Variants in PALS2 observed in about 807,000 individuals in gnomAD.
PALS2 encodes protein associated with LIN7 2, MAGUK p55 family member.
Under a neutral mutation model 61.6 loss-of-function variants are expected in PALS2, and 27 were observed. That is an observed-to-expected ratio of 0.44 (90% CI 0.32 to 0.60). The LOEUF (loss-of-function observed/expected upper bound fraction) is 0.60. PALS2 is among the 20% of genes least tolerant of loss of function. The pLI is 0.05. For missense variants in PALS2, 554 were observed against 639.4 expected (o/e 0.87, Z 1.44); for synonymous variants, 236 against 218.6 (o/e 1.08, Z -0.70).
Position 24,665,728 on chromosome 7 carries a change from G to C in PALS2, c.883+41G>C, listed in dbSNP as rs113277801. 5.4e-5 allele frequency: 84 copies of C among 1,544,062 alleles called. No homozygotes were observed. The African/African-American group carries it at 1.1e-3, about 19-fold the overall frequency. On this transcript the variant is annotated intron_variant, in intron 7 of 11. Coordinates refer to ENST00000222644, the MANE Select transcript of PALS2 (RefSeq NM_001303037.2). ...CAATAAGTAACAAGCAGTCCTTTGT[G>C]ACCACCTTTCTTTGTCTCTTTTGTC... is the stretch of plus-strand genomic sequence containing the variant.
At chr7:24,607,519 A>G (rs145207968) in intron 1 of PALS2, among the ~76,000 whole-genome samples, 84 of 151,768 alleles carry the variant, frequency 5.5e-4, no homozygotes, top group Middle Eastern at 3.4e-3. Context: ...ATATATGTGT[A>G]TATATGTGTG....
chr7:24,602,821 G>A (rs927439772), intron 1 of PALS2, among the ~76,000 whole-genome samples: 1 of 152,152 alleles, frequency 6.6e-6, no homozygotes, highest in Non-Finnish European at 1.5e-5. Flanking sequence ...GAGGGACCTG[G>A]TGGGAGGTAA....
At position 24,573,662 on chromosome 7, in the gene PALS2, C is replaced by G. The variant is rs1445169633; in HGVS notation, c.-3+69C>G. ...CGCGCGCCGGGCCGGCCGGGGGCGC[C>G]CTGTTGCTCGGCGCGGCGCGCCACG... is the stretch of plus-strand genomic sequence containing the variant. On this transcript the variant is annotated intron_variant, in intron 1 of 11. Transcript: ENST00000222644. This position sits in a 1 kb window ranked among gnomAD's most constrained non-coding sequence, Gnocchi z 5.3. 1 of 240,972 alleles carries G rather than the reference C, an allele frequency of 4.1e-6. No individual in the cohort carries two copies. The highest frequency in any genetic ancestry group is 7.9e-6 in the Non-Finnish European group (1 of 126,308). The allele number at this position is 240,972 out of a possible 1,614,324, so 14.9% of individuals were successfully genotyped here.
rs988516008 is a variant in PALS2 at position 24,596,492 on chromosome 7, T to C, written c.-3+22899T>C. Among the ~76,000 whole-genome samples the C allele has an allele frequency of 9.2e-5, 14 of 152,210 alleles. No individual in the cohort carries two copies. Among genetic ancestry groups the C allele is most frequent in the African/African-American group, 3.4e-4 (14 of 41,462 alleles). ...AACATTTGATAAAATATCTCAGTGA[T>C]TCTATAATATTTCACATTTATGAAT... is the stretch of plus-strand genomic sequence containing the variant. On this transcript the variant is annotated intron_variant, in intron 1 of 11. Transcript: ENST00000222644. The surrounding 1 kb of genome is among the most constrained non-coding windows in gnomAD (Gnocchi z 4.5).
chr7:24,641,372 T>C (rs966354820), intron 2 of PALS2, among the ~76,000 whole-genome samples: 3 of 152,254 alleles, frequency 2.0e-5, no homozygotes, highest in African/African-American at 7.2e-5. Context: ...CATCTAGAGT[T>C]TGAGCCTTGA....
intron 5 of PALS2, among the ~76,000 whole-genome samples, chr7:24,654,217 A>G (rs1192619744): frequency 6.6e-6 from 1 of 151,966 alleles, no homozygotes; most frequent in East Asian, 1.9e-4. Flanking sequence ...AGTTAAAAAA[A>G]AAAAAAGAAA....
chr7:24,600,807 T>C (rs1406323707), intron 1 of PALS2, among the ~76,000 whole-genome samples: 1 of 152,192 alleles, frequency 6.6e-6, no homozygotes, highest in Non-Finnish European at 1.5e-5. Flanking sequence ...TGACTTTGTC[T>C]TCTCCAGGTT....
intron 5 of PALS2, among the ~76,000 whole-genome samples, chr7:24,653,185 A>G (rs1042120662): frequency 1.3e-5 from 2 of 152,206 alleles, no homozygotes; most frequent in Non-Finnish European, 2.9e-5. Flanking sequence ...GATTGTGTAT[A>G]TAACAAAGAT....
Position 24,679,136 on chromosome 7 carries a change from TC to T in PALS2, c.1121del (p.Ser374TyrfsTer68). The T allele has an allele frequency of 6.2e-7, 1 of 1,613,562 alleles. No individual in the cohort carries two copies. The highest frequency in any genetic ancestry group is 8.5e-7 in the Non-Finnish European group (1 of 1,179,508). ...TRFGTTVPFT[S>X]RKPREDEKDG... ...CTCAACACTATTTTATTTAGTTACT[TC>T]ACGGAAACCAAGGGAAGATGAAAAA... On this transcript the variant is annotated frameshift_variant, in exon 10 of 12. Transcript: ENST00000222644. LOFTEE classifies it high-confidence loss of function.
intron 10 of PALS2, 70 bp from the exon 11 acceptor site, chr7:24,680,322 T>A: frequency 2.0e-6 from 3 of 1,482,486 alleles, no homozygotes; most frequent in Non-Finnish European, 2.8e-6. Context: ...GCCTTTGATA[T>A]ATACTAAAGG....
rs1266820384 is a variant in PALS2 at position 24,690,816 on chromosome 7, A to G, written c.*3202A>G. On this transcript the variant is annotated 3_prime_UTR_variant, in exon 12 of 12. Transcript: ENST00000222644. Reference sequence around the variant, plus strand: ...AACATAGCTTTCTGAAATAGAAATTATAAGAGAAACCCAGTATGCCTACAG... The same window carrying G: ...AACATAGCTTTCTGAAATAGAAATTGTAAGAGAAACCCAGTATGCCTACAG... 2 of 152,214 alleles carry G rather than the reference A, an allele frequency of 1.3e-5. No homozygotes were observed. Among genetic ancestry groups the G allele is most frequent in the African/African-American group, 2.4e-5 (1 of 41,454 alleles). The allele number at this position is 152,214 out of a possible 1,614,324, so 9.4% of individuals were successfully genotyped here.
At chr7:24,582,065 T>C (rs1782866689) in intron 1 of PALS2, among the ~76,000 whole-genome samples, 1 of 152,234 alleles carries the variant, frequency 6.6e-6, no homozygotes, top group Non-Finnish European at 1.5e-5. Flanking sequence ...TAAAAGTTTG[T>C]GAAGCAGTCT....
intron 1 of PALS2, among the ~76,000 whole-genome samples, chr7:24,577,101 TATG>T (rs986844266): frequency 1.3e-5 from 2 of 152,160 alleles, no homozygotes; most frequent in Non-Finnish European, 2.9e-5. Context: ...CTTCCTTAAT[TATG>T]ATAGACTAAT....
At chr7:24,682,806 TAA>T (rs1788002219) in intron 11 of PALS2, among the ~76,000 whole-genome samples, 2 of 152,122 alleles carry the variant, frequency 1.3e-5, no homozygotes, top group South Asian at 4.1e-4. Flanking sequence ...ATAATAATAA[TAA>T]GTCACTTATC....
rs973592655 is a variant in PALS2, at chr7:24,689,579, C to CTTTTTTTTTT, written c.*1973_*1982dup. 5.4e-5 allele frequency: 7 copies of CTTTTTTTTTT among 129,242 alleles called. No homozygotes were observed. The highest frequency in any genetic ancestry group is 1.2e-4 in the African/African-American group (4 of 34,526). The allele number at this position is 129,242 out of a possible 1,614,324, so 8.0% of individuals were successfully genotyped here. ...TAAAGTTGGAAATCTATAGGTTTTT[C>CTTTTTTTTTT]TTTTTTTTTTTTTTTTTCTTTTTTT... On this transcript the variant is annotated 3_prime_UTR_variant, in exon 12 of 12. Transcript: ENST00000222644.
At chr7:24,662,768 G>GAAAAAAAAAAAAAAAAAAAA (rs59367702) in intron 5 of PALS2, among the ~76,000 whole-genome samples, 1 of 102,614 alleles carries the variant, frequency 9.7e-6, no homozygotes, top group Non-Finnish European at 2.3e-5. Context: ...GACTCCATCT[G>GAAAAAAAAAAAAAAAAAAAA]AAAAAAAAAA....
At chr7:24,676,432 A>C (rs891587615) in intron 9 of PALS2, among the ~76,000 whole-genome samples, 4 of 152,118 alleles carry the variant, frequency 2.6e-5, no homozygotes, top group African/African-American at 4.8e-5. Context: ...TTGGTGTTTT[A>C]GACATGAAGT....
Position 24,573,640 on chromosome 7 carries a change from G to A in PALS2, c.-3+47G>A. On this transcript the variant is annotated intron_variant, in intron 1 of 11. Coordinates refer to ENST00000222644, the MANE Select transcript of PALS2 (RefSeq NM_001303037.2). The surrounding 1 kb of genome is among the most constrained non-coding windows in gnomAD (Gnocchi z 5.3). ...GCCGCTCGGGTAACGGTCGCGCCGC[G>A]CGCCGGGCCGGCCGGGGGCGCCCTG... 6.7e-6 allele frequency: 2 copies of A among 298,174 alleles called. No individual in the cohort carries two copies. The highest frequency in any genetic ancestry group is 1.2e-5 in the Non-Finnish European group (2 of 162,178). 18.5% of individuals were successfully genotyped at this position (298,174 alleles called of 1,614,324 possible). A position where few individuals can be genotyped will look rare whatever the true frequency, so the allele number is the denominator to read the frequency against.
intron 7 of PALS2, 59 bp from the exon 8 acceptor site, chr7:24,665,962 G>T: frequency 1.3e-6 from 2 of 1,485,156 alleles, no homozygotes; most frequent in East Asian, 4.5e-5. Flanking sequence ...AATACTATAG[G>T]GCAATTTTTT....
Sources: allele counts gnomAD v4.1 joint callset (sites outside exome capture counted in the v4.1 genomes callset), GRCh38; gene constraint gnomAD v4.1.1; non-coding constraint Gnocchi (gnomAD v3.1); transcripts MANE v1.5; gene names NCBI Gene and HGNC (gene_info 2026-07-23, HGNC 2026-07-21).